Variants in KCNH8 observed in about 807,000 individuals in gnomAD.
KCNH8 encodes voltage-gated delayed rectifier potassium channel KCNH8.
KCNH8 carries 70 observed loss-of-function variants against 103.6 expected under a neutral mutation model. The observed-to-expected ratio is 0.68, with a 90% CI of 0.56 to 0.82. The LOEUF (loss-of-function observed/expected upper bound fraction) is 0.82, where lower values mean the gene tolerates loss of function less well. Ranked by LOEUF, KCNH8 falls within the 40% of genes least tolerant of loss-of-function variation. The pLI is 0.00. For synonymous variants in KCNH8, 498 were observed against 489.4 expected (o/e 1.02, Z -0.23); for missense variants, 1,217 against 1,329.9 (o/e 0.92, Z 1.32).
chr3:19,277,281 G>C (rs1329239710), intron 2 of KCNH8, among the ~76,000 whole-genome samples: 1 of 152,070 alleles, frequency 6.6e-6, no homozygotes, highest in East Asian at 1.9e-4. Context: ...GGTAAAGATG[G>C]GCTGTGCATG....
At chr3:19,409,599 T>C (rs1043078212) in intron 7 of KCNH8, among the ~76,000 whole-genome samples, 1 of 152,156 alleles carries the variant, frequency 6.6e-6, no homozygotes, top group South Asian at 2.1e-4. Flanking sequence ...CAAGACCCAT[T>C]CATCTGCTCT....
At chr3:19,460,353 T>C (rs1468175843) in intron 11 of KCNH8, among the ~76,000 whole-genome samples, 2 of 152,178 alleles carry the variant, frequency 1.3e-5, no homozygotes, top group Non-Finnish European at 2.9e-5. Context: ...TATCCTGTAA[T>C]TTAGCCTTCT....
chr3:19,247,690 A>G (rs2064223880), intron 1 of KCNH8, among the ~76,000 whole-genome samples: 1 of 152,238 alleles, frequency 6.6e-6, no homozygotes, highest in African/African-American at 2.4e-5. Context: ...GATACTCTTC[A>G]GAAATAAAGA....
chr3:19,396,498 A>G (rs2066520773), intron 7 of KCNH8, among the ~76,000 whole-genome samples: 1 of 152,058 alleles, frequency 6.6e-6, no homozygotes, highest in South Asian at 2.1e-4. Context: ...ATGTGTTCTT[A>G]TAATTTTTAT....
At chr3:19,403,827 G>A (rs1002619015) in intron 7 of KCNH8, among the ~76,000 whole-genome samples, 1 of 151,848 alleles carries the variant, frequency 6.6e-6, no homozygotes, top group African/African-American at 2.4e-5. Context: ...ATTCTGTAGT[G>A]ATGATGCTAA....
rs548440861 is a variant in KCNH8 at position 19,448,605 on chromosome 3, TACTC to T, written c.1376-1499_1376-1496del. On this transcript the variant is annotated intron_variant, in intron 8 of 15. Coordinates refer to ENST00000328405, the MANE Select transcript of KCNH8 (RefSeq NM_144633.3). ...GATTTGAATTGGGGAGGTCCTGAAA[TACTC>T]AGGAAGATAGAAGTAATAATATGTT... is the stretch of plus-strand genomic sequence containing the variant. Among the ~76,000 whole-genome samples the T allele has an allele frequency of 2.1e-3, 325 of 152,186 alleles. 4 individuals are homozygous for T. The highest frequency in any genetic ancestry group is 6.9e-3 in the African/African-American group (287 of 41,570).
At chr3:19,519,644 T>C (rs970256923) in intron 15 of KCNH8, among the ~76,000 whole-genome samples, 2 of 150,296 alleles carry the variant, frequency 1.3e-5, no homozygotes, top group African/African-American at 2.5e-5. Context: ...CCAAATAACC[T>C]CTTGTTAAAA....
intron 11 of KCNH8, among the ~76,000 whole-genome samples, chr3:19,463,477 T>A (rs2067675666): frequency 2.0e-5 from 3 of 151,998 alleles, no homozygotes; most frequent in Admixed American, 1.3e-4. Context: ...AGGCAATGTG[T>A]AGATGAAGAA....
intron 3 of KCNH8, 40 bp downstream of exon 3, chr3:19,281,369 C>A (rs1052839951): frequency 6.5e-7 from 1 of 1,539,600 alleles, no homozygotes; most frequent in Non-Finnish European, 8.7e-7. Context: ...GATGGAGTAA[C>A]ATTTTGAAAT....
intron 3 of KCNH8, among the ~76,000 whole-genome samples, chr3:19,288,159 C>T (rs1291843109): frequency 9.2e-6 from 1 of 108,938 alleles, no homozygotes; most frequent in Non-Finnish European, 1.8e-5. Flanking sequence ...TCTAAACCTT[C>T]TTGCACCGGT....
chr3:19,196,969 C>A (rs1451428651), intron 1 of KCNH8, among the ~76,000 whole-genome samples: 2 of 151,958 alleles, frequency 1.3e-5, no homozygotes, highest in Non-Finnish European at 2.9e-5. Context: ...ACTTCAAATT[C>A]AGAATTTCCC....
intron 5 of KCNH8, among the ~76,000 whole-genome samples, chr3:19,381,170 G>A (rs140171997): frequency 6.6e-6 from 1 of 152,294 alleles, no homozygotes; most frequent in Non-Finnish European, 1.5e-5. Flanking sequence ...TGCTGGAAAT[G>A]TGGGAAAACT....
At chr3:19,247,355 G>GC (rs1158067338) in intron 1 of KCNH8, among the ~76,000 whole-genome samples, 4 of 152,082 alleles carry the variant, frequency 2.6e-5, no homozygotes, top group Admixed American at 6.5e-5. Flanking sequence ...AATATAAAGT[G>GC]CAAAGATCAT....
intron 1 of KCNH8, among the ~76,000 whole-genome samples, chr3:19,150,091 T>A (rs1342226419): frequency 1.1e-4 from 16 of 152,352 alleles, no homozygotes. Flanking sequence ...AGTGTTTTTA[T>A]CTTTACATCT....
At chr3:19,254,956 T>C (rs2064328193) in intron 2 of KCNH8, among the ~76,000 whole-genome samples, 1 of 152,158 alleles carries the variant, frequency 6.6e-6, no homozygotes. Context: ...TGGACAGAAC[T>C]GTGCCCTAGA....
chr3:19,251,395 G>T (rs374534999), intron 1 of KCNH8, among the ~76,000 whole-genome samples: 75 of 152,100 alleles, frequency 4.9e-4, no homozygotes, highest in African/African-American at 1.7e-3. Context: ...TGCTTTCAGA[G>T]GGGGAGAGTG....
intron 5 of KCNH8, among the ~76,000 whole-genome samples, chr3:19,382,238 C>G (rs1465605754): frequency 1.3e-5 from 2 of 152,100 alleles, no homozygotes; most frequent in Non-Finnish European, 2.9e-5. Context: ...AAAAGAACCT[C>G]TTTCCTGAGC....
Position 19,534,173 on chromosome 3 carries a change from C to T in KCNH8, c.*74C>T. The T allele has an allele frequency of 8.8e-7, 1 of 1,142,318 alleles. No homozygotes were observed. The highest frequency in any genetic ancestry group is 1.5e-5 in the South Asian group (1 of 66,650). The allele number at this position is 1,142,318 out of a possible 1,614,324, so 70.8% of individuals were successfully genotyped here. On this transcript the variant is annotated 3_prime_UTR_variant, in exon 16 of 16. Transcript: ENST00000328405. ...ACAGTTTTAGTTTGCCTTTTTGCCT[C>T]TGGTGGGCATGAAGACTGAGCAAAG...
intron 7 of KCNH8, among the ~76,000 whole-genome samples, chr3:19,410,014 C>T (rs180797844): frequency 7.2e-5 from 11 of 152,132 alleles, no homozygotes; most frequent in South Asian, 4.2e-4. Flanking sequence ...AGCACTTGAC[C>T]GACTGGACCT....
Sources: allele counts gnomAD v4.1 joint callset (sites outside exome capture counted in the v4.1 genomes callset), GRCh38; gene constraint gnomAD v4.1.1; transcripts MANE v1.5; gene names NCBI Gene and HGNC (gene_info 2026-07-23, HGNC 2026-07-21).